Variants in BEX2 observed in about 807,000 individuals in gnomAD.
The protein encoded by BEX2 is brain expressed X-linked 2, also known as protein BEX2.
Under a neutral mutation model 4.1 loss-of-function variants are expected in BEX2, and 2 were observed. The observed-to-expected ratio is 0.49, with a 90% CI of 0.20 to 1.53. The LOEUF (loss-of-function observed/expected upper bound fraction) is 1.53. Among genes scored for constraint, BEX2 ranks in the 40% most tolerant of loss-of-function variants. BEX2 has a pLI of 0.23. For synonymous variants in BEX2, 34 were observed against 35.9 expected (o/e 0.95, Z 0.19); for missense variants, 94 against 99.9 (o/e 0.94, Z 0.25).
In BEX2 at chrX:103,309,421, C is replaced by T. The variant is rs189143189; in HGVS notation, c.*169G>A. 40 of 736,683 alleles carry T rather than the reference C, an allele frequency of 5.4e-5. 1 individual carries two copies. The East Asian group carries it at 1.2e-3, about 22-fold the overall frequency. 60.7% of individuals were successfully genotyped at this position (736,683 alleles called of 1,213,427 possible). On this transcript the variant is annotated 3_prime_UTR_variant, in exon 3 of 3. Coordinates refer to ENST00000372677, the MANE Select transcript of BEX2 (RefSeq NM_032621.4). The stretch of plus-strand genomic sequence containing the variant: ...CCATGCAATAGGTAAAACTCTCCTG[C>T]TGACAGAAACTTACAAACTGGGTCA...
At chrX:103,310,750 G>C in intron 1 of BEX2, 110 bp downstream of exon 1, 1 of 643,944 alleles carries the variant, frequency 1.6e-6, no homozygotes, top group Non-Finnish European at 2.3e-6. Flanking sequence ...GGGCCCCGGG[G>C]CTGCATCGTG....
At chrX:103,310,224 G>A (rs1351696520) in intron 2 of BEX2, 134 bp downstream of exon 2, 7 of 783,722 alleles carry the variant, frequency 8.9e-6, no homozygotes, top group Non-Finnish European at 1.2e-5. Context: ...GCCTCTGCAG[G>A]CACCAAAATG....
intron 2 of BEX2, 91 bp downstream of exon 2, chrX:103,310,267 C>G: frequency 1.0e-6 from 1 of 982,958 alleles, no homozygotes; most frequent in South Asian, 2.3e-5. Context: ...TGGGGGATTG[C>G]TAAGTGTGGG....
At chrX:103,310,568 G>A (rs1926171405) in intron 1 of BEX2, 135 bp from the exon 2 acceptor site, 1 of 1,152,849 alleles carries the variant, frequency 8.7e-7, no homozygotes, top group African/African-American at 1.8e-5. Flanking sequence ...CAGCCGCCCA[G>A]CCCCCCAAGC....
chrX:103,309,795 G>C lies in BEX2; in HGVS notation c.182C>G (p.Pro61Arg), dbSNP rs1462274628. ...TATGTCCCATCTATACTGCAGGATGGGCTGCCTAACGCGGAACCGCCTACG... is the reference window on the plus strand; with the variant it reads ...TATGTCCCATCTATACTGCAGGATGCGCTGCCTAACGCGGAACCGCCTACG... ...GNRRRFRVRQ[P>R]ILQYRWDIMH... The change falls in exon 3 of 3, where the codon CCC (proline) becomes CGC (arginine). Residue 61 changes from proline (P) to arginine (R), a missense_variant. Pro to Arg is a moderately radical substitution (Grantham distance 103). Transcript: ENST00000372677. 8.3e-7 allele frequency: 1 copy of C among 1,211,673 alleles called. No homozygotes were observed. Among genetic ancestry groups the C allele is most frequent in the South Asian group, 1.8e-5 (1 of 56,968 alleles).
Position 103,309,679 on chromosome X carries a change from T to G in BEX2, c.298A>C (p.Arg100=). ...AAACTATGACTCAACTGCTTTTCCC[T>G]CAGCTTTTCCATCAGCTGTCTCACC... ...EEVRQLMEKL[R]EKQLSHSLRA... is the part of the protein sequence containing the mutation. Residue 100 remains arginine, a synonymous_variant, in exon 3 of 3, where the codon AGG becomes CGG. Transcript: ENST00000372677. The G allele has an allele frequency of 8.3e-7, 1 of 1,211,352 alleles. No individual in the cohort carries two copies. Among genetic ancestry groups the G allele is most frequent in the Non-Finnish European group, 1.1e-6 (1 of 895,416 alleles).
Position 103,309,415 on chromosome X carries a change from C to A in BEX2, c.*175G>T. On this transcript the variant is annotated 3_prime_UTR_variant, in exon 3 of 3. Coordinates refer to ENST00000372677, the MANE Select transcript of BEX2 (RefSeq NM_032621.4). ...ATCTTTCCATGCAATAGGTAAAACT[C>A]TCCTGCTGACAGAAACTTACAAACT... 2 of 693,930 alleles carry A rather than the reference C, an allele frequency of 2.9e-6. No homozygotes were observed. The highest frequency in any genetic ancestry group is 2.2e-5 in the African/African-American group (1 of 45,782). 57.2% of individuals were successfully genotyped at this position (693,930 alleles called of 1,213,427 possible).
At chrX:103,310,227 C>G in intron 2 of BEX2, 131 bp downstream of exon 2, 1 of 830,823 alleles carries the variant, frequency 1.2e-6, no homozygotes, top group Non-Finnish European at 1.7e-6. Context: ...TCTGCAGGCA[C>G]CAAAATGGAG....
Position 103,309,475 on chromosome X carries a change from T to C in BEX2, c.*115A>G. The C allele has an allele frequency of 1.9e-6, 2 of 1,068,628 alleles. No individual in the cohort carries two copies. Among genetic ancestry groups the C allele is most frequent in the Non-Finnish European group, 2.5e-6 (2 of 798,628 alleles). The allele number at this position is 1,068,628 out of a possible 1,213,427, so 88.1% of individuals were successfully genotyped here. A position where few individuals can be genotyped will look rare whatever the true frequency, so the allele number is the denominator to read the frequency against. On this transcript the variant is annotated 3_prime_UTR_variant, in exon 3 of 3. Coordinates refer to ENST00000372677, the MANE Select transcript of BEX2 (RefSeq NM_032621.4). ...ACAACATTCATTTAGAAGCTGGTAATAGGAGACCCACAAGAAATAGGTAAC... is the reference window on the plus strand; with the variant it reads ...ACAACATTCATTTAGAAGCTGGTAACAGGAGACCCACAAGAAATAGGTAAC...
intron 2 of BEX2, 68 bp from the exon 3 acceptor site, chrX:103,310,049 C>CT (rs1482663022): frequency 1.0e-5 from 11 of 1,076,916 alleles, no homozygotes; most frequent in Middle Eastern, 3.7e-4. Context: ...AGAGGCCCGA[C>CT]TACCCACCTT....
rs763106357 is a variant in BEX2, at chrX:103,310,344, T to C, written c.-6+14A>G. On this transcript the variant is annotated intron_variant, in intron 2 of 2. Transcript: ENST00000372677. ...TGTTCTGACCCCCTCCCCACCACCG[T>C]CCCTCGCACTGACCTGGGCCTATCC... 1 of 1,149,240 alleles carries C rather than the reference T, an allele frequency of 8.7e-7. No individual in the cohort carries two copies. Among genetic ancestry groups the C allele is most frequent in the African/African-American group, 1.8e-5 (1 of 55,625 alleles). 94.7% of individuals were successfully genotyped at this position (1,149,240 alleles called of 1,213,427 possible).
chrX:103,310,588 T>C (rs1926173052), intron 1 of BEX2, 155 bp from the exon 2 acceptor site: 1 of 1,152,850 alleles, frequency 8.7e-7, no homozygotes, highest in African/African-American at 1.8e-5. Context: ...CTGACCACCA[T>C]TTTCTGCATC....
chrX:103,309,530 C>G lies in BEX2; in HGVS notation c.*60G>C, dbSNP rs1247705025. ...AAACGTTTACGACAAAGGTACACCA[C>G]AAATGTGTAAGTTTAGGAAGCAGGG... is the stretch of plus-strand genomic sequence containing the variant. On this transcript the variant is annotated 3_prime_UTR_variant, in exon 3 of 3. Transcript: ENST00000372677. 4 of 1,180,293 alleles carry G rather than the reference C, an allele frequency of 3.4e-6. No homozygotes were observed. The East Asian group carries it at 1.2e-4, about 35-fold the overall frequency.
chrX:103,309,842 T>C lies in BEX2; in HGVS notation c.135A>G (p.Glu45=). ...TACGGTTTCCTCTAGGCACACAGTATTCACTAACATTCAAAGGTAGGGCCA... is the reference window on the plus strand; with the variant it reads ...TACGGTTTCCTCTAGGCACACAGTACTCACTAACATTCAAAGGTAGGGCCA... ...EPLALPLNVS[E]YCVPRGNRRR... is the part of the protein sequence containing the mutation. The change falls in exon 3 of 3, where the codon GAA becomes GAG. Residue 45 remains glutamate, a synonymous_variant. Coordinates refer to ENST00000372677, the MANE Select transcript of BEX2 (RefSeq NM_032621.4). The C allele has an allele frequency of 8.3e-7, 1 of 1,212,045 alleles. No individual in the cohort carries two copies. Among genetic ancestry groups the C allele is most frequent in the Non-Finnish European group, 1.1e-6 (1 of 895,623 alleles).
Position 103,309,860 on chromosome X carries a change from T to G in BEX2, c.117A>C (p.Leu39=), listed in dbSNP as rs759804793. 4 of 1,211,988 alleles carry G rather than the reference T, an allele frequency of 3.3e-6. No individual in the cohort carries two copies. The highest frequency in any genetic ancestry group is 2.2e-5 in the Admixed American group (1 of 46,074). The part of the protein sequence containing the change: ...QVANKGEPLA[L]PLNVSEYCVP... ...CACAGTATTCACTAACATTCAAAGG[T>G]AGGGCCAAGGGCTCCCCTTTATTAG... The change falls in exon 3 of 3, where the codon CTA becomes CTC. Residue 39 remains leucine, a synonymous_variant. Transcript: ENST00000372677.
Position 103,309,503 on chromosome X carries a change from C to A in BEX2, c.*87G>T. ...GAGACCCACAAGAAATAGGTAACATCAAAACGTTTACGACAAAGGTACACC... is the reference window on the plus strand; with the variant it reads ...GAGACCCACAAGAAATAGGTAACATAAAAACGTTTACGACAAAGGTACACC... On this transcript the variant is annotated 3_prime_UTR_variant, in exon 3 of 3. Transcript: ENST00000372677. The A allele has an allele frequency of 8.8e-7, 1 of 1,140,247 alleles. No individual in the cohort carries two copies. Among genetic ancestry groups the A allele is most frequent in the Non-Finnish European group, 1.2e-6 (1 of 855,654 alleles). 94.0% of individuals were successfully genotyped at this position (1,140,247 alleles called of 1,213,427 possible).
At position 103,309,897 on chromosome X, in the gene BEX2, T is replaced by G. The variant is rs375809692; in HGVS notation, c.80A>C (p.Lys27Thr). The G allele has an allele frequency of 4.2e-5, 51 of 1,209,438 alleles. No homozygotes were observed. The highest frequency in any genetic ancestry group is 5.5e-5 in the Non-Finnish European group (49 of 895,006). The change falls in exon 3 of 3, where the codon AAG becomes ACG. Residue 27 changes from lysine to threonine, a missense_variant. Physicochemically the swap from Lys to Thr is moderately conservative, Grantham distance 78. Coordinates refer to ENST00000372677, the MANE Select transcript of BEX2 (RefSeq NM_032621.4). Reference protein sequence around the residue: ...VNQENDEKDEKEQVANKGEPL... With the variant: ...VNQENDEKDETEQVANKGEPL... ...CTCCCCTTTATTAGCAACTTGCTCC[T>G]TTTCATCTTTTTCATCATTTTCCTG...
At chrX:103,310,613 A>C in intron 1 of BEX2, 180 bp from the exon 2 acceptor site, 1 of 1,155,161 alleles carries the variant, frequency 8.7e-7, no homozygotes, top group Non-Finnish European at 1.1e-6. Context: ...AGGGCGGAGC[A>C]GGGGTGTTGG....
Position 103,309,794 on chromosome X carries a change from G to T in BEX2, c.183C>A (p.Pro61=). Residue 61 remains proline, a synonymous_variant, in exon 3 of 3, where the codon CCC becomes CCA. Coordinates refer to ENST00000372677, the MANE Select transcript of BEX2 (RefSeq NM_032621.4). ...GNRRRFRVRQ[P]ILQYRWDIMH... is the part of the protein sequence containing the mutation. The stretch of plus-strand genomic sequence containing the variant: ...TTATGTCCCATCTATACTGCAGGAT[G>T]GGCTGCCTAACGCGGAACCGCCTAC... 8.3e-7 allele frequency: 1 copy of T among 1,211,796 alleles called. No homozygotes were observed. The highest frequency in any genetic ancestry group is 1.1e-6 in the Non-Finnish European group (1 of 895,551).
Sources: gnomAD v4.1 joint callset for allele counts on GRCh38, gnomAD v4.1.1 for gene constraint, MANE v1.5 for transcripts, NCBI Gene and HGNC (gene_info 2026-07-23, HGNC 2026-07-21) for gene names.